The following ABCC4 variants were observed in gnomAD, a reference collection of about 807,000 sequenced individuals.
The protein encoded by ABCC4 is ATP-binding cassette sub-family C member 4.
ABCC4 carries 102 observed loss-of-function variants against 168.5 expected under a neutral mutation model. That is an observed-to-expected ratio of 0.61 (90% CI 0.52 to 0.71). The LOEUF (loss-of-function observed/expected upper bound fraction) is 0.71, where lower values mean the gene tolerates loss of function less well. Ranked by LOEUF, ABCC4 falls within the 30% of genes least tolerant of loss-of-function variation. The pLI is 0.00. For synonymous variants in ABCC4, 617 were observed against 590.7 expected (o/e 1.04, Z -0.65); for missense variants, 1,402 against 1,605.8 (o/e 0.87, Z 2.17).
In ABCC4 at chr13:95,073,245, A is replaced by G. The variant is rs1192874833; in HGVS notation, c.2977T>C (p.Phe993Leu). 6.2e-7 allele frequency: 1 copy of G among 1,613,876 alleles called. No homozygotes were observed. The highest frequency in any genetic ancestry group is 1.7e-5 in the Admixed American group (1 of 60,000). ...GCACTTTGTCGAACACACCACTGAA[A>G]CATCCCCATGAGCGTGAGGGCATAG... ...LSYALTLMGM[F>L]QWCVRQSAEV... The change falls in exon 24 of 31, where the codon TTT becomes CTT. Residue 993 changes from phenylalanine to leucine, a missense_variant. By Grantham distance (22) the Phe-to-Leu change is conservative. This residue lies in a region of ABCC4 where 1,007 missense variants were observed against 1,127.3 expected (regional missense o/e 0.89). Coordinates refer to ENST00000645237, the MANE Select transcript of ABCC4 (RefSeq NM_005845.5).
At chr13:95,278,962 T>A in intron 1 of ABCC4, among the ~76,000 whole-genome samples, 2 of 149,326 alleles carry the variant, frequency 1.3e-5, no homozygotes. Context: ...TTACAGCCAA[T>A]CACTTCCTTC....
chr13:95,170,577 C>G lies in ABCC4; in HGVS notation c.1779G>C (p.Gln593His). Residue 593 changes from glutamine (Q) to histidine (H), a missense_variant, in exon 14 of 31, where the codon CAG (glutamine) becomes CAC (histidine). This residue lies in a region of ABCC4 where 1,007 missense variants were observed against 1,127.3 expected (regional missense o/e 0.89). Transcript: ENST00000645237. ...GACTTGCAGCTTTGAGGTACTGCAA[C>G]TGATGAGTCACTAAAATTGTGATCT... ...HEKITILVTH[Q>H]LQYLKAASQI... The G allele has an allele frequency of 6.2e-7, 1 of 1,612,510 alleles. No homozygotes were observed. Among genetic ancestry groups the G allele is most frequent in the South Asian group, 1.1e-5 (1 of 90,842 alleles).
In ABCC4 at chr13:95,178,032, C is replaced by A. The variant is rs959539226; in HGVS notation, c.1605G>T (p.Leu535=). The A allele has an allele frequency of 1.2e-6, 2 of 1,614,226 alleles. No individual in the cohort carries two copies. Among genetic ancestry groups the A allele is most frequent in the African/African-American group, 1.3e-5 (1 of 75,058 alleles). ...TTACCCGTGCTTTCTGCCCTCCACT[C>A]AGCGTGGTTCCCCGATCTCCTATCA... ...LTVIGDRGTT[L]SGGQKARVNL... The change falls in exon 12 of 31, where the codon CTG becomes CTT. Residue 535 remains leucine (L), a synonymous_variant. Transcript: ENST00000645237.
At chr13:95,057,417 T>G (rs984918125) in intron 26 of ABCC4, among the ~76,000 whole-genome samples, 4 of 152,152 alleles carry the variant, frequency 2.6e-5, no homozygotes, top group Non-Finnish European at 1.5e-5. Flanking sequence ...TTTTTGTATT[T>G]TTAGTAGAGA....
At chr13:95,061,607 T>C (rs1305720271) in intron 26 of ABCC4, among the ~76,000 whole-genome samples, 4 of 92,110 alleles carry the variant, frequency 4.3e-5, no homozygotes, top group African/African-American at 1.7e-4. Flanking sequence ...TGTGTGTGTG[T>C]GTGTGTGTGT....
intron 4 of ABCC4, among the ~76,000 whole-genome samples, chr13:95,218,986 AGTGAGAAAG>A (rs756119141): frequency 0.13 from 13,755 of 108,532 alleles, 1,817 homozygotes; most frequent in Non-Finnish European, 0.15. Context: ...AGAAAGAAAG[AGTGAGAAAG>A]AAAGAAAGAG....
At chr13:95,145,182 T>C (rs2036451692) in intron 19 of ABCC4, among the ~76,000 whole-genome samples, 1 of 152,060 alleles carries the variant, frequency 6.6e-6, no homozygotes, top group African/African-American at 2.4e-5. Flanking sequence ...GGAACACATA[T>C]ATACTGTTGG....
At chr13:95,298,491 G>T (rs1378972387) in intron 1 of ABCC4, among the ~76,000 whole-genome samples, 1 of 152,068 alleles carries the variant, frequency 6.6e-6, no homozygotes, top group East Asian at 1.9e-4. Flanking sequence ...GTCCAGAGTG[G>T]ATGCTGGAGA....
intron 19 of ABCC4, among the ~76,000 whole-genome samples, chr13:95,155,300 T>C (rs946207344): frequency 2.4e-4 from 37 of 152,058 alleles, no homozygotes; most frequent in African/African-American, 8.0e-4. Flanking sequence ...GTAATCCTCC[T>C]GACTCAGCCT....
chr13:95,179,754 C>A (rs145607747), intron 11 of ABCC4, among the ~76,000 whole-genome samples: 34 of 152,272 alleles, frequency 2.2e-4, no homozygotes, highest in African/African-American at 7.9e-4. Context: ...GGTGTCATTT[C>A]TTTGTCTCTA....
At chr13:95,110,026 TG>T (rs2139396851) in intron 20 of ABCC4, among the ~76,000 whole-genome samples, 1 of 152,256 alleles carries the variant, frequency 6.6e-6, no homozygotes, top group South Asian at 2.1e-4. Flanking sequence ...TGACACGTAT[TG>T]GCCAGGCGTG....
At chr13:95,028,309 A>G (rs1336340053) in intron 30 of ABCC4, among the ~76,000 whole-genome samples, 1 of 152,224 alleles carries the variant, frequency 6.6e-6, no homozygotes, top group Non-Finnish European at 1.5e-5. Flanking sequence ...ATTAAACTCT[A>G]TACCTTAAAC....
intron 1 of ABCC4, among the ~76,000 whole-genome samples, chr13:95,248,202 G>A (rs1328765910): frequency 6.6e-6 from 1 of 152,208 alleles, no homozygotes; most frequent in Non-Finnish European, 1.5e-5. Flanking sequence ...AGACAAGTCT[G>A]TGATAATGGA....
In ABCC4 at chr13:95,295,411, G is replaced by A. The variant is rs549250756; in HGVS notation, c.74+5830C>T. 4.0e-3 allele frequency among the ~76,000 whole-genome samples: 602 copies of A among 152,244 alleles called. 2 individuals are homozygous for A. Among genetic ancestry groups the A allele is most frequent in the South Asian group, 7.7e-3 (37 of 4,808 alleles). ...ACAGTGGCTCGCCCCCGTAATCCCA[G>A]CACTTTGGGAGGCCGAGGTGGGTAG... is the stretch of plus-strand genomic sequence containing the variant. On this transcript the variant is annotated intron_variant, in intron 1 of 30. Coordinates refer to ENST00000645237, the MANE Select transcript of ABCC4 (RefSeq NM_005845.5).
intron 19 of ABCC4, among the ~76,000 whole-genome samples, chr13:95,142,209 G>A (rs771708117): frequency 6.6e-6 from 1 of 152,166 alleles, no homozygotes; most frequent in Non-Finnish European, 1.5e-5. Flanking sequence ...AGTGGATAAA[G>A]AAACCGTGGA....
intron 28 of ABCC4, among the ~76,000 whole-genome samples, 162 bp downstream of exon 28, chr13:95,044,104 C>A (rs530179465): frequency 1.3e-5 from 2 of 152,080 alleles, no homozygotes; most frequent in Non-Finnish European, 2.9e-5. Context: ...CTGGAAAACA[C>A]GTTTGGGTTT....
At chr13:95,215,653 G>A (rs1431585695) in intron 4 of ABCC4, among the ~76,000 whole-genome samples, 1 of 152,070 alleles carries the variant, frequency 6.6e-6, no homozygotes, top group Non-Finnish European at 1.5e-5. Flanking sequence ...ATGTATTCTG[G>A]TGACAGCAGA....
intron 9 of ABCC4, 57 bp from the exon 10 acceptor site, chr13:95,188,599 C>A (rs2139625695): frequency 7.1e-7 from 1 of 1,399,318 alleles, no homozygotes. Context: ...CAAATCACTT[C>A]AAAAAGAGAA....
chr13:95,155,704 A>G (rs1223943512), intron 19 of ABCC4, among the ~76,000 whole-genome samples: 1 of 152,200 alleles, frequency 6.6e-6, no homozygotes, highest in African/African-American at 2.4e-5. Flanking sequence ...CTGTAACCCA[A>G]TATTAACTTT....
Sources: gnomAD v4.1 joint callset for allele counts (sites outside exome capture counted in the v4.1 genomes callset) on GRCh38, gnomAD v4.1.1 for gene constraint, gnomAD v4.1.1 regional missense constraint, MANE v1.5 for transcripts, NCBI Gene and HGNC (gene_info 2026-07-23, HGNC 2026-07-21) for gene names.